TMEM266: variants seen among roughly 807,000 people sequenced by gnomAD.
TMEM266 encodes transmembrane protein 266, also known as Hv1 related protein 1.
In TMEM266, 33 loss-of-function variants were observed where a neutral mutation model predicts 50.5. The observed-to-expected ratio is 0.65, with a 90% CI of 0.50 to 0.87. The LOEUF is 0.87. TMEM266 is among the 40% of genes least tolerant of loss of function. The pLI is 0.00. For missense variants in TMEM266, 655 were observed against 695.1 expected (o/e 0.94, Z 0.65); for synonymous variants, 310 against 292.3 (o/e 1.06, Z -0.62).
rs865849339 is a variant in TMEM266, at chr15:76,074,389, G to A, written c.-97+14373G>A. On this transcript the variant is annotated intron_variant, in intron 1 of 10. Transcript: ENST00000388942. ...ACCATCCACGTCTGGAATTCTTTTC[G>A]CCTTGCAAAGTCAAAATTGGACCCA... Among the ~76,000 whole-genome samples the A allele has an allele frequency of 3.8e-4, 58 of 151,992 alleles. 1 individual carries two copies. Among genetic ancestry groups the A allele is most frequent in the Admixed American group, 2.7e-3 (41 of 15,280 alleles).
chr15:76,180,160 C>G (rs935317175), intron 8 of TMEM266, among the ~76,000 whole-genome samples: 1 of 152,130 alleles, frequency 6.6e-6, no homozygotes, highest in African/African-American at 2.4e-5. Flanking sequence ...GCCTGGCTGC[C>G]CATCATTAAC....
chr15:76,081,761 A>G, intron 1 of TMEM266, among the ~76,000 whole-genome samples: 1 of 152,198 alleles, frequency 6.6e-6, no homozygotes, highest in Middle Eastern at 3.2e-3. Flanking sequence ...TACCAGTTAC[A>G]TGGTCACCAC....
intron 1 of TMEM266, among the ~76,000 whole-genome samples, chr15:76,061,759 A>T (rs1328216502): frequency 6.6e-6 from 1 of 152,162 alleles, no homozygotes; most frequent in Non-Finnish European, 1.5e-5. Flanking sequence ...AACCCATAAA[A>T]CGTATATGCA....
At chr15:76,130,518 T>C (rs1437905271) in intron 1 of TMEM266, among the ~76,000 whole-genome samples, 1 of 152,254 alleles carries the variant, frequency 6.6e-6, no homozygotes, top group Non-Finnish European at 1.5e-5. Context: ...CCAGCCTGGG[T>C]GACAGTGAAA....
At chr15:76,121,884 TCTCTACTACTA>T (rs1459454672) in intron 1 of TMEM266, among the ~76,000 whole-genome samples, 1 of 152,222 alleles carries the variant, frequency 6.6e-6, no homozygotes, top group Admixed American at 6.5e-5. Flanking sequence ...TATGCATCTG[TCTCTACTACTA>T]CCCCATGAGT....
At chr15:76,078,129 C>T (rs1054024647) in intron 1 of TMEM266, among the ~76,000 whole-genome samples, 10 of 152,166 alleles carry the variant, frequency 6.6e-5, no homozygotes, top group South Asian at 2.1e-4. Context: ...CAGCGAATGT[C>T]GCCGACTCTG....
At chr15:76,060,368 G>T (rs1004322316) in intron 1 of TMEM266, among the ~76,000 whole-genome samples, 2 of 150,464 alleles carry the variant, frequency 1.3e-5, no homozygotes, top group African/African-American at 4.9e-5. Context: ...GGAGGGGGGG[G>T]TTGCTGCTGG....
chr15:76,145,860 T>C (rs932653107), intron 3 of TMEM266, among the ~76,000 whole-genome samples: 1 of 152,242 alleles, frequency 6.6e-6, no homozygotes, highest in African/African-American at 2.4e-5. Context: ...GTGCTGGGGC[T>C]TTGTGTTTGC....
At chr15:76,095,224 C>T (rs537663475) in intron 1 of TMEM266, among the ~76,000 whole-genome samples, 8 of 152,102 alleles carry the variant, frequency 5.3e-5, no homozygotes, top group African/African-American at 1.9e-4. Flanking sequence ...AGTTTTTGCC[C>T]ATTTGGTATT....
At chr15:76,172,049 C>T (rs1485934753) in intron 7 of TMEM266, among the ~76,000 whole-genome samples, 3 of 152,140 alleles carry the variant, frequency 2.0e-5, no homozygotes, top group African/African-American at 7.2e-5. Context: ...CGAAGAGGCC[C>T]ACCCCACCTC....
intron 9 of TMEM266, 149 bp from the exon 10 acceptor site, chr15:76,202,053 T>C (rs1266637040): frequency 1.1e-5 from 7 of 632,146 alleles, no homozygotes; most frequent in Non-Finnish European, 1.3e-5. Flanking sequence ...GTGGTCCCCA[T>C]GGAGAACTAA....
intron 1 of TMEM266, among the ~76,000 whole-genome samples, chr15:76,076,282 T>C (rs2036607444): frequency 6.6e-6 from 1 of 152,084 alleles, no homozygotes; most frequent in South Asian, 2.1e-4. Context: ...AAGAAAACTT[T>C]CTCTTCTAGC....
chr15:76,111,393 G>A (rs1230690058), intron 1 of TMEM266, among the ~76,000 whole-genome samples: 2 of 150,776 alleles, frequency 1.3e-5, no homozygotes, highest in East Asian at 2.0e-4. Flanking sequence ...ATACTCTTGT[G>A]TCTGTTAACC....
chr15:76,178,975 A>T (rs553206554), intron 8 of TMEM266, among the ~76,000 whole-genome samples: 1 of 152,280 alleles, frequency 6.6e-6, no homozygotes, highest in South Asian at 2.1e-4. Context: ...CACTCCACAG[A>T]GCGAAGCAGA....
At chr15:76,126,662 G>T (rs181526912) in intron 1 of TMEM266, among the ~76,000 whole-genome samples, 187 of 151,900 alleles carry the variant, frequency 1.2e-3, no homozygotes, top group Non-Finnish European at 2.3e-3. Context: ...CTCCTGAGTA[G>T]CTGGGATTAC....
At chr15:76,181,109 C>T (rs2038397421) in intron 8 of TMEM266, 1 of 152,230 alleles carries the variant, frequency 6.6e-6, no homozygotes, top group African/African-American at 2.4e-5. Flanking sequence ...TGAAAGGTCC[C>T]TGGGGAGGGC....
In TMEM266 at chr15:76,077,836, T is replaced by A. The variant is rs113222412; in HGVS notation, c.-97+17820T>A. On this transcript the variant is annotated intron_variant, in intron 1 of 10. Coordinates refer to ENST00000388942, the MANE Select transcript of TMEM266 (RefSeq NM_152335.3). ...AAAACTGTGAGAGAATAAGTTTCTG[T>A]TGTTTGAAGCCACCAAGTTTTTGGT... Among the ~76,000 whole-genome samples, 352 of 152,166 alleles carry A rather than the reference T, an allele frequency of 2.3e-3. 2 individuals are homozygous for A. Among genetic ancestry groups the A allele is most frequent in the Middle Eastern group, 0.017 (5 of 294 alleles).
intron 9 of TMEM266, 70 bp from the exon 10 acceptor site, chr15:76,202,132 T>A: frequency 1.5e-6 from 2 of 1,294,818 alleles, no homozygotes; most frequent in South Asian, 1.5e-5. Flanking sequence ...ACCGTGGGGG[T>A]GGGGACAGGA....
chr15:76,159,617 GA>G (rs1391031339), intron 4 of TMEM266, among the ~76,000 whole-genome samples: 1 of 152,166 alleles, frequency 6.6e-6, no homozygotes, highest in African/African-American at 2.4e-5. Context: ...TTTCCAGAAT[GA>G]AAAGTCACAG....
Sources: allele counts gnomAD v4.1 joint callset (sites outside exome capture counted in the v4.1 genomes callset), GRCh38; gene constraint gnomAD v4.1.1; transcripts MANE v1.5; gene names NCBI Gene and HGNC (gene_info 2026-07-23, HGNC 2026-07-21).